The following CNN3 variants were observed in gnomAD, a reference collection of about 807,000 sequenced individuals.
CNN3 encodes calponin-3.
Under a neutral mutation model 39.0 loss-of-function variants are expected in CNN3, and 11 were observed. The ratio of observed to expected loss-of-function variants is 0.28; its 90% CI spans 0.18 to 0.47. CNN3 has a LOEUF of 0.47. Ranked by LOEUF, CNN3 falls within the 20% of genes least tolerant of loss-of-function variation. The pLI is 0.99. For missense variants in CNN3, 266 were observed against 403.4 expected, an observed-to-expected ratio of 0.66 and a Z score of 2.92; for synonymous variants, 101 against 138.3, an observed-to-expected ratio of 0.73 and a Z score of 1.89.
chr1:94,923,661 T>C (rs1671505150), intron 1 of CNN3, among the ~76,000 whole-genome samples: 1 of 152,204 alleles, frequency 6.6e-6, no homozygotes, highest in African/African-American at 2.4e-5. Flanking sequence ...ACTTCCTCAA[T>C]TCATTGATGA....
At chr1:94,902,802 CCCTTAT>C (rs1670901875) in intron 3 of CNN3, among the ~76,000 whole-genome samples, 2 of 151,956 alleles carry the variant, frequency 1.3e-5, no homozygotes, top group African/African-American at 4.8e-5. Flanking sequence ...CTTGTTTTTT[CCCTTAT>C]CCTTAAGGTC....
intron 1 of CNN3, chr1:94,924,038 T>C (rs914233818): frequency 1.3e-5 from 2 of 152,286 alleles, no homozygotes; most frequent in African/African-American, 4.8e-5. Flanking sequence ...GTTTCTATAC[T>C]TCTTTGTTAA....
intron 1 of CNN3, among the ~76,000 whole-genome samples, chr1:94,908,631 C>G (rs1277323475): frequency 3.3e-5 from 5 of 152,176 alleles, no homozygotes; most frequent in African/African-American, 1.2e-4. Flanking sequence ...ACCTCCACCT[C>G]CCGGGTTCAA....
At chr1:94,920,246 G>A (rs952693568) in intron 1 of CNN3, among the ~76,000 whole-genome samples, 4 of 152,170 alleles carry the variant, frequency 2.6e-5, no homozygotes, top group African/African-American at 7.2e-5. Context: ...TGCCTCACAC[G>A]CTGCCTGGTG....
At chr1:94,903,050 A>G in intron 3 of CNN3, 72 bp downstream of exon 3, 5 of 1,234,450 alleles carry the variant, frequency 4.1e-6, no homozygotes, top group Non-Finnish European at 4.4e-6. Context: ...CCAAAAAACC[A>G]AACCTGAAAT....
In CNN3 at chr1:94,902,224, T is replaced by G; in HGVS notation, c.281A>C (p.Gln94Pro). 1 of 1,612,662 alleles carries G rather than the reference T, an allele frequency of 6.2e-7. No individual in the cohort carries two copies. Among genetic ancestry groups the G allele is most frequent in the Non-Finnish European group, 8.5e-7 (1 of 1,178,776 alleles). ...ENIGNFIKAI[Q>P]AYGMKPHDIF... Reference sequence around the variant, plus strand: ...GTCATGTGGCTTCATACCATAAGCCTGAATAGCTTTAATAAAGTTGCCAAT... The same window carrying G: ...GTCATGTGGCTTCATACCATAAGCCGGAATAGCTTTAATAAAGTTGCCAAT... The change falls in exon 4 of 7, where the codon CAG becomes CCG. Residue 94 changes from glutamine to proline, a missense_variant. Gln to Pro is a moderately conservative substitution (Grantham distance 76). Transcript: ENST00000370206.
Position 94,898,078 on chromosome 1 carries a change from C to A in CNN3, c.654G>T (p.Gly218=), listed in dbSNP as rs1412070780. The change falls in exon 7 of 7, where the codon GGG becomes GGT. Residue 218 remains glycine, a synonymous_variant. Transcript: ENST00000370206. The part of the protein sequence containing the change: ...MGTNKGASQA[G]MLAPGTRRDI... ...CTCTTCTGGTACCTGGTGCTAACAT[C>A]CCTGCCTGGTATTAGAACATAGTAT... is the stretch of plus-strand genomic sequence containing the variant. 8 of 1,613,306 alleles carry A rather than the reference C, an allele frequency of 5.0e-6. No individual in the cohort carries two copies. The highest frequency in any genetic ancestry group is 3.4e-4 in the Middle Eastern group (2 of 5,866).
chr1:94,921,206 C>A (rs1460442967), intron 1 of CNN3, among the ~76,000 whole-genome samples: 1 of 152,100 alleles, frequency 6.6e-6, no homozygotes, highest in South Asian at 2.1e-4. Flanking sequence ...ACCAGCCTGG[C>A]CAACATGGTG....
At chr1:94,907,653 G>T (rs533673819) in intron 1 of CNN3, among the ~76,000 whole-genome samples, 1 of 152,214 alleles carries the variant, frequency 6.6e-6, no homozygotes, top group Non-Finnish European at 1.5e-5. Flanking sequence ...GAGGTCAGGA[G>T]ATCAAGACCA....
At chr1:94,914,917 T>C (rs979893657) in intron 1 of CNN3, among the ~76,000 whole-genome samples, 2 of 151,896 alleles carry the variant, frequency 1.3e-5, no homozygotes, top group Admixed American at 6.6e-5. Flanking sequence ...ACAGTCTTGC[T>C]CTGTCACCCA....
Position 94,899,524 on chromosome 1 carries a change from A to C in CNN3, c.502-7T>G. 6.2e-7 allele frequency: 1 copy of C among 1,609,092 alleles called. No individual in the cohort carries two copies. Among genetic ancestry groups the C allele is most frequent in the Non-Finnish European group, 8.5e-7 (1 of 1,178,642 alleles). ...CACATTTGTTGGTTCCCATCTTTTAAGTTAAAAATAAAATTGCACAAATTA... is the reference window on the plus strand; with the variant it reads ...CACATTTGTTGGTTCCCATCTTTTACGTTAAAAATAAAATTGCACAAATTA... On this transcript the variant is annotated splice_polypyrimidine_tract_variant and splice_region_variant and intron_variant, in intron 5 of 6. Transcript: ENST00000370206.
rs10605235 is a variant in CNN3 at position 94,901,552 on chromosome 1, A to AC, written c.501+116dup. On this transcript the variant is annotated intron_variant, in intron 5 of 6. Transcript: ENST00000370206. ...AATAGATATAAATTGTATAAACTACACCCCCCCCCCAGTACTATAGTACTT... is the reference window on the plus strand; with the variant it reads ...AATAGATATAAATTGTATAAACTACACCCCCCCCCCCAGTACTATAGTACTT... 6.9e-3 allele frequency: 4,055 copies of AC among 591,172 alleles called. 35 individuals are homozygous for AC. The highest frequency in any genetic ancestry group is 0.015 in the African/African-American group (780 of 51,092). The allele number at this position is 591,172 out of a possible 1,614,324, so 36.6% of individuals were successfully genotyped here.
chr1:94,913,476 TA>T (rs1557913200), intron 1 of CNN3, among the ~76,000 whole-genome samples: 33 of 152,200 alleles, frequency 2.2e-4, no homozygotes. Flanking sequence ...TAAAGCTTTG[TA>T]ATCAAAGGAA....
At position 94,927,102 on chromosome 1, in the gene CNN3, C is replaced by G; in HGVS notation, c.-208G>C. On this transcript the variant is annotated 5_prime_UTR_variant, in exon 1 of 7. Transcript: ENST00000370206. ...CAGAGCCTCGAGCTCCGCTGCGAAG[C>G]ACCCGGCTGCCTCGCTCGCCGCCCG... 1 of 491,854 alleles carries G rather than the reference C, an allele frequency of 2.0e-6. No homozygotes were observed. The highest frequency in any genetic ancestry group is 3.5e-6 in the Non-Finnish European group (1 of 281,892). 30.5% of individuals were successfully genotyped at this position (491,854 alleles called of 1,614,324 possible). A position where few individuals can be genotyped will look rare whatever the true frequency, so the allele number is the denominator to read the frequency against.
chr1:94,906,775 T>G (rs1671011097), intron 1 of CNN3, among the ~76,000 whole-genome samples: 1 of 152,248 alleles, frequency 6.6e-6, no homozygotes, highest in Non-Finnish European at 1.5e-5. Context: ...TAGAGTAGTT[T>G]GGGATATTTC....
chr1:94,922,801 T>C (rs1200253289), intron 1 of CNN3, among the ~76,000 whole-genome samples: 1 of 152,212 alleles, frequency 6.6e-6, no homozygotes. Flanking sequence ...GTATGATTGT[T>C]TAACTTCAAC....
At chr1:94,911,917 T>C (rs1163581036) in intron 1 of CNN3, among the ~76,000 whole-genome samples, 1 of 151,906 alleles carries the variant, frequency 6.6e-6, no homozygotes, top group Non-Finnish European at 1.5e-5. Flanking sequence ...TACAAAAAAA[T>C]TAGCTGGGCG....
rs146397267 is a variant in CNN3, at chr1:94,922,763, C to T, written c.57+4075G>A. ...CGGCAAACAAGCTAGGAGGACTTCG[C>T]GGACACTGGTCCTATCTAATTATTA... On this transcript the variant is annotated intron_variant, in intron 1 of 6. Transcript: ENST00000370206. Among the ~76,000 whole-genome samples, 535 of 152,318 alleles carry T rather than the reference C, an allele frequency of 3.5e-3. 1 individual carries two copies. Among genetic ancestry groups the T allele is most frequent in the Middle Eastern group, 6.8e-3 (2 of 294 alleles).
chr1:94,911,619 A>C (rs1226726252), intron 1 of CNN3, among the ~76,000 whole-genome samples: 1 of 152,124 alleles, frequency 6.6e-6, no homozygotes, highest in Non-Finnish European at 1.5e-5. Flanking sequence ...ACCCACAAAA[A>C]TTAGCTGGGC....
Sources: allele counts gnomAD v4.1 joint callset (sites outside exome capture counted in the v4.1 genomes callset), GRCh38; gene constraint gnomAD v4.1.1; transcripts MANE v1.5; gene names NCBI Gene and HGNC (gene_info 2026-07-23, HGNC 2026-07-21).